Variants in FMN1 observed in about 807,000 individuals in gnomAD.
FMN1 encodes formin-1.
Under a neutral mutation model 132.4 loss-of-function variants are expected in FMN1, and 110 were observed. That is an observed-to-expected ratio of 0.83 (90% CI 0.71 to 0.97). The LOEUF (loss-of-function observed/expected upper bound fraction) is 0.97. Ranked by LOEUF, FMN1 falls within the 50% of genes least tolerant of loss-of-function variation. The pLI is 0.00. For synonymous variants in FMN1, 722 were observed against 651.7 expected (o/e 1.11, Z -1.64); for missense variants, 1,792 against 1,705.3 (o/e 1.05, Z -0.90).
chr15:33,105,583 G>A (rs1198970690), intron 4 of FMN1, among the ~76,000 whole-genome samples: 1 of 152,152 alleles, frequency 6.6e-6, no homozygotes, highest in East Asian at 1.9e-4. Flanking sequence ...AAGGTTTACA[G>A]ACTATATGGC....
At chr15:33,070,443 T>C (rs956300901) in intron 5 of FMN1, among the ~76,000 whole-genome samples, 3 of 151,396 alleles carry the variant, frequency 2.0e-5, no homozygotes, top group Non-Finnish European at 1.5e-5. Flanking sequence ...CATAACTAAT[T>C]ATTGATTTCT....
chr15:33,121,621 C>T (rs1409919740), intron 4 of FMN1, among the ~76,000 whole-genome samples: 8 of 152,120 alleles, frequency 5.3e-5, no homozygotes, highest in South Asian at 2.1e-4. Flanking sequence ...CTCCACCTCC[C>T]GGGTTCAACT....
chr15:32,936,832 T>C (rs2061285474), intron 9 of FMN1, among the ~76,000 whole-genome samples: 1 of 152,150 alleles, frequency 6.6e-6, no homozygotes, highest in African/African-American at 2.4e-5. Context: ...GGTGAAACAC[T>C]AGACACAAGC....
chr15:33,004,385 G>T (rs2034294275), intron 7 of FMN1, among the ~76,000 whole-genome samples: 1 of 152,198 alleles, frequency 6.6e-6, no homozygotes, highest in Non-Finnish European at 1.5e-5. Flanking sequence ...CGAAGGATAT[G>T]AACAGACACT....
intron 9 of FMN1, among the ~76,000 whole-genome samples, chr15:32,944,450 A>G (rs1352096908): frequency 1.3e-5 from 2 of 152,206 alleles, no homozygotes; most frequent in African/African-American, 4.8e-5. Flanking sequence ...TTCCACATAC[A>G]GCTGATAATC....
chr15:33,075,581 G>A (rs2038176866), intron 5 of FMN1, among the ~76,000 whole-genome samples: 1 of 152,100 alleles, frequency 6.6e-6, no homozygotes, highest in Non-Finnish European at 1.5e-5. Context: ...TTTCTCAAGT[G>A]GCCACTGCAT....
chr15:32,881,897 G>A (rs1298246392), intron 16 of FMN1, among the ~76,000 whole-genome samples: 2 of 152,174 alleles, frequency 1.3e-5, no homozygotes, highest in East Asian at 3.9e-4. Flanking sequence ...AAACCTTGCA[G>A]GTTGCCCAGG....
chr15:32,829,036 T>C (rs2058439113), intron 17 of FMN1, among the ~76,000 whole-genome samples: 1 of 152,212 alleles, frequency 6.6e-6, no homozygotes, highest in Non-Finnish European at 1.5e-5. Context: ...GGCAAGAATG[T>C]CAGTATTTGT....
intron 7 of FMN1, among the ~76,000 whole-genome samples, chr15:32,998,690 A>C (rs1300627374): frequency 6.6e-6 from 1 of 152,174 alleles, no homozygotes; most frequent in Admixed American, 6.5e-5. Context: ...CGTCACCTAA[A>C]GTCAAAAAAC....
chr15:33,054,365 AT>A (rs1005031517), intron 6 of FMN1, among the ~76,000 whole-genome samples: 1 of 152,012 alleles, frequency 6.6e-6, no homozygotes, highest in African/African-American at 2.4e-5. Flanking sequence ...AAAAGGTTAG[AT>A]TTTTTTCATC....
intron 17 of FMN1, among the ~76,000 whole-genome samples, chr15:32,832,584 C>T (rs558798710): frequency 2.0e-5 from 3 of 152,244 alleles, no homozygotes; most frequent in South Asian, 4.1e-4. Flanking sequence ...TCAAGATCAT[C>T]TTGGCCAACA....
chr15:32,910,055 C>T (rs185029824), intron 11 of FMN1, among the ~76,000 whole-genome samples: 2 of 152,318 alleles, frequency 1.3e-5, no homozygotes, highest in Admixed American at 1.3e-4. Flanking sequence ...CCATTCTACA[C>T]ACCTTCCCAC....
chr15:32,816,179 C>G (rs1456064395), intron 17 of FMN1, among the ~76,000 whole-genome samples: 1 of 152,168 alleles, frequency 6.6e-6, no homozygotes, highest in African/African-American at 2.4e-5. Context: ...CCCTGTTTCT[C>G]CTTAGTAATA....
chr15:33,058,110 CG>C (rs1410815711), intron 6 of FMN1, among the ~76,000 whole-genome samples: 58 of 146,518 alleles, frequency 4.0e-4, no homozygotes, highest in Non-Finnish European at 5.7e-4. Context: ...AAAGGTGCGG[CG>C]GGGCTGCTGG....
At chr15:33,016,963 T>C (rs2035085232) in intron 6 of FMN1, among the ~76,000 whole-genome samples, 2 of 152,186 alleles carry the variant, frequency 1.3e-5, no homozygotes, top group Non-Finnish European at 2.9e-5. Context: ...TGTCTCGCTT[T>C]CCCCAGAGGT....
At chr15:33,162,691 G>GCTTCCCTGGT (rs1964942741) in intron 3 of FMN1, among the ~76,000 whole-genome samples, 1 of 152,206 alleles carries the variant, frequency 6.6e-6, no homozygotes, top group Admixed American at 6.5e-5. Context: ...AGTATGTTCA[G>GCTTCCCTGGT]CACTACTCTT....
intron 7 of FMN1, among the ~76,000 whole-genome samples, chr15:33,005,129 T>C (rs2034345055): frequency 1.3e-5 from 2 of 151,958 alleles, no homozygotes; most frequent in African/African-American, 4.8e-5. Flanking sequence ...ACATGGCACA[T>C]GTATACATAT....
chr15:32,795,549 G>C (rs1002570585), intron 19 of FMN1, among the ~76,000 whole-genome samples: 16 of 148,894 alleles, frequency 1.1e-4, no homozygotes, highest in Non-Finnish European at 2.1e-4. Context: ...GGTTCCCAGT[G>C]AATAAGTGAC....
At chr15:32,779,754 C>G (rs563849915) in intron 19 of FMN1, among the ~76,000 whole-genome samples, 1 of 152,306 alleles carries the variant, frequency 6.6e-6, no homozygotes, top group South Asian at 2.1e-4. Context: ...TTAATTTTCA[C>G]AACTCTGTGA....
Sources: allele counts gnomAD v4.1 joint callset (sites outside exome capture counted in the v4.1 genomes callset), GRCh38; gene constraint gnomAD v4.1.1; transcripts MANE v1.5; gene names NCBI Gene and HGNC (gene_info 2026-07-23, HGNC 2026-07-21).